ZNF385D: variants seen among roughly 807,000 people sequenced by gnomAD.
The protein encoded by ZNF385D is zinc finger protein 385D, also known as zinc finger protein 659.
Under a neutral mutation model 35.8 loss-of-function variants are expected in ZNF385D, and 15 were observed. That is an observed-to-expected ratio of 0.42 (90% CI 0.28 to 0.64). The LOEUF (loss-of-function observed/expected upper bound fraction) is 0.64. Ranked by LOEUF, ZNF385D falls within the 30% of genes least tolerant of loss-of-function variation. The pLI is 0.23. For missense variants in ZNF385D, 474 were observed against 494.6 expected (o/e 0.96, Z 0.39); for synonymous variants, 212 against 186.8 (o/e 1.13, Z -1.10).
In ZNF385D at chr3:21,896,182, C is replaced by A. The variant is rs537324253; in HGVS notation, c.326-231154G>T. On this transcript the variant is annotated intron_variant, in intron 3 of 5. Transcript: ENST00000494108. ...CACTGGCAAGAATGTTAATGGAAACCAGAAAAAAAGAAGCTTGGGATGCCT... is the reference window on the plus strand; with the variant it reads ...CACTGGCAAGAATGTTAATGGAAACAAGAAAAAAAGAAGCTTGGGATGCCT... Among the ~76,000 whole-genome samples, 15 of 151,804 alleles carry A rather than the reference C, an allele frequency of 9.9e-5. No individual in the cohort carries two copies. The South Asian group carries it at 3.1e-3, about 32-fold the overall frequency.
intron 3 of ZNF385D, among the ~76,000 whole-genome samples, chr3:21,858,610 C>T (rs988731603): frequency 3.3e-5 from 5 of 152,060 alleles, no homozygotes; most frequent in Admixed American, 6.6e-5. Flanking sequence ...TCAGGAGACA[C>T]TGCATCTGCT....
chr3:21,829,984 C>T (rs1460770646), intron 3 of ZNF385D, among the ~76,000 whole-genome samples: 4 of 151,780 alleles, frequency 2.6e-5, no homozygotes, highest in African/African-American at 9.7e-5. Flanking sequence ...ATTAGCTGTG[C>T]CTGATGGCAG....
At chr3:22,213,130 T>G (rs2125264773) in intron 2 of ZNF385D, among the ~76,000 whole-genome samples, 2 of 152,186 alleles carry the variant, frequency 1.3e-5, no homozygotes, top group South Asian at 4.1e-4. Flanking sequence ...CAGACATAAT[T>G]ATTAGAAGTT....
intron 3 of ZNF385D, among the ~76,000 whole-genome samples, chr3:22,133,404 G>A (rs1173368979): frequency 6.6e-6 from 1 of 151,978 alleles, no homozygotes; most frequent in Non-Finnish European, 1.5e-5. Flanking sequence ...GGGAGGGAAG[G>A]AGAGGCAGGA....
intron 2 of ZNF385D, among the ~76,000 whole-genome samples, chr3:22,342,054 T>A (rs112091122): frequency 0.011 from 1,691 of 152,060 alleles, 31 homozygotes; most frequent in African/African-American, 0.038. Flanking sequence ...GGCAGGCAGA[T>A]CACGAGGTCA....
intron 3 of ZNF385D, among the ~76,000 whole-genome samples, chr3:21,904,030 C>T (rs1333843942): frequency 6.6e-6 from 1 of 152,022 alleles, no homozygotes; most frequent in Admixed American, 6.6e-5. Flanking sequence ...GGTGGTCAGG[C>T]ATGGTGGCTC....
chr3:21,426,728 A>G lies in ZNF385D; in HGVS notation c.674-1058T>C, dbSNP rs74327680. On this transcript the variant is annotated intron_variant, in intron 5 of 7. Transcript: ENST00000281523. The stretch of plus-strand genomic sequence containing the variant: ...AAATGATTCCTAACTTCTGAGTTAC[A>G]GGCCAGCTTCCCAGAACCACTAAAT... 4.8e-3 allele frequency among the ~76,000 whole-genome samples: 736 copies of G among 152,276 alleles called. 2 individuals carry two copies. Among genetic ancestry groups the G allele is most frequent in the Non-Finnish European group, 8.5e-3 (576 of 68,022 alleles).
intron 3 of ZNF385D, among the ~76,000 whole-genome samples, chr3:21,799,412 A>G (rs1471529243): frequency 2.0e-5 from 3 of 152,126 alleles, no homozygotes; most frequent in Admixed American, 1.3e-4. Context: ...GTTTCTCTAC[A>G]TCCTCATTAA....
intron 3 of ZNF385D, among the ~76,000 whole-genome samples, chr3:21,800,993 T>A (rs1255054351): frequency 6.6e-6 from 1 of 152,176 alleles, no homozygotes; most frequent in Admixed American, 6.6e-5. Context: ...TTTTCTTAAA[T>A]GCCCTTTACC....
intron 3 of ZNF385D, among the ~76,000 whole-genome samples, chr3:21,917,610 A>G (rs1700252379): frequency 1.3e-5 from 2 of 152,224 alleles, no homozygotes. Flanking sequence ...TTGGTTGACT[A>G]TAAACTCTCA....
Position 21,663,890 on chromosome 3 carries a change from A to AATATATATATAT in ZNF385D, c.165+984_165+995dup, listed in dbSNP as rs66691637. Among the ~76,000 whole-genome samples, 287 of 64,382 alleles carry AATATATATATAT rather than the reference A, an allele frequency of 4.5e-3. 14 individuals carry two copies. Among genetic ancestry groups the AATATATATATAT allele is most frequent in the African/African-American group, 9.9e-3 (159 of 16,048 alleles). 42.2% of individuals were successfully genotyped at this position (64,382 alleles called of 152,430 possible). A position where few individuals can be genotyped will look rare whatever the true frequency, so the allele number is the denominator to read the frequency against. Reference sequence around the variant, plus strand: ...TGAAGAATTATTTAATTGTGGGCCGAATATATATATATATATATATATATA... The same window carrying AATATATATATAT: ...TGAAGAATTATTTAATTGTGGGCCGAATATATATATATATATATATATATATATATATATATA... On this transcript the variant is annotated intron_variant, in intron 2 of 7. Transcript: ENST00000281523.
intron 1 of ZNF385D, among the ~76,000 whole-genome samples, chr3:21,739,317 TTC>T (rs1019833451): frequency 2.0e-5 from 3 of 152,214 alleles, no homozygotes; most frequent in African/African-American, 7.2e-5. Context: ...TTAAACATTT[TTC>T]TCTCTTTCTC....
intron 2 of ZNF385D, among the ~76,000 whole-genome samples, chr3:22,228,085 T>A (rs116617982): frequency 6.6e-6 from 1 of 152,108 alleles, no homozygotes; most frequent in Admixed American, 6.5e-5. Context: ...ACGGTGGTGA[T>A]TGACAGAGAG....
At position 22,184,257 on chromosome 3, in the gene ZNF385D, G is replaced by C. The variant is rs551847195; in HGVS notation, c.107-15222C>G. Among the ~76,000 whole-genome samples, 35 of 152,220 alleles carry C rather than the reference G, an allele frequency of 2.3e-4. No homozygotes were observed. In the South Asian group the frequency reaches 3.1e-3, roughly 14 times the overall value. ...AATGCAATAAATCCTGGCCCACTTG[G>C]AAAAGTGATATTTCACACTCATGTT... is the stretch of plus-strand genomic sequence containing the variant. On this transcript the variant is annotated intron_variant, in intron 2 of 5. Coordinates refer to the ZNF385D transcript ENST00000494108.
At chr3:22,367,725 A>T (rs1696719592) in intron 2 of ZNF385D, among the ~76,000 whole-genome samples, 1 of 152,072 alleles carries the variant, frequency 6.6e-6, no homozygotes, top group African/African-American at 2.4e-5. Flanking sequence ...AGACTGTTGG[A>T]GAAGCAAAGG....
Position 22,332,904 on chromosome 3 carries a change from C to CTT in ZNF385D, c.106+39544_106+39545dup, listed in dbSNP as rs200384474. Among the ~76,000 whole-genome samples, 330 of 144,640 alleles carry CTT rather than the reference C, an allele frequency of 2.3e-3. 6 individuals are homozygous for CTT. In the South Asian group the frequency reaches 0.028, roughly 12 times the overall value. 94.9% of individuals were successfully genotyped at this position (144,640 alleles called of 152,430 possible). A position where few individuals can be genotyped will look rare whatever the true frequency, so the allele number is the denominator to read the frequency against. On this transcript the variant is annotated intron_variant, in intron 2 of 5. Transcript: ENST00000494108. ...ATGTATAGCATTTATATTACTTTTC[C>CTT]TTTTTTTTTTTTCCTGGTGTTTTAA...
chr3:22,198,174 C>T (rs1045433932), intron 2 of ZNF385D, among the ~76,000 whole-genome samples: 1 of 148,236 alleles, frequency 6.7e-6, no homozygotes, highest in Non-Finnish European at 1.5e-5. Context: ...ACAAGAGTGT[C>T]AAAATAAACA....
At chr3:22,127,545 G>A (rs1277477346) in intron 3 of ZNF385D, among the ~76,000 whole-genome samples, 1 of 151,658 alleles carries the variant, frequency 6.6e-6, no homozygotes, top group Admixed American at 6.6e-5. Context: ...TCACCATGTT[G>A]TCCAGGCTGG....
chr3:22,163,252 G>A (rs564194716), intron 3 of ZNF385D, among the ~76,000 whole-genome samples: 1 of 152,128 alleles, frequency 6.6e-6, no homozygotes, highest in Non-Finnish European at 1.5e-5. Context: ...GAATCACACA[G>A]ATTCTTGAAT....
Sources: allele counts gnomAD v4.1 joint callset (sites outside exome capture counted in the v4.1 genomes callset), GRCh38; gene constraint gnomAD v4.1.1; transcripts MANE v1.5; gene names NCBI Gene and HGNC (gene_info 2026-07-23, HGNC 2026-07-21).